Variants in SAMD5 observed in about 807,000 individuals in gnomAD.
The protein encoded by SAMD5 is sterile alpha motif domain containing 5.
Under a neutral mutation model 11.3 loss-of-function variants are expected in SAMD5, and 13 were observed. That is an observed-to-expected ratio of 1.15 (90% CI 0.75 to 1.83). SAMD5 has a LOEUF of 1.83. Among genes scored for constraint, SAMD5 ranks in the 40% most tolerant of loss-of-function variants. The pLI is 0.00. For missense variants in SAMD5, 255 were observed against 239.1 expected, an observed-to-expected ratio of 1.07 and a Z score of -0.44; for synonymous variants, 129 against 111.3, an observed-to-expected ratio of 1.16 and a Z score of -1.00.
chr6:147,630,531 C>A (rs749773991), intron 1 of SAMD5, among the ~76,000 whole-genome samples: 1 of 152,028 alleles, frequency 6.6e-6, no homozygotes, highest in Non-Finnish European at 1.5e-5. Flanking sequence ...CAAAAGCTCC[C>A]CCACTGAGTA....
chr6:147,648,338 G>T (rs1184855192), intron 1 of SAMD5, among the ~76,000 whole-genome samples: 2 of 152,166 alleles, frequency 1.3e-5, no homozygotes, highest in African/African-American at 4.8e-5. Flanking sequence ...GATCTCGTGA[G>T]AACTCACTCA....
At chr6:147,582,524 C>G (rs1283749900) in intron 1 of SAMD5, among the ~76,000 whole-genome samples, 1 of 152,080 alleles carries the variant, frequency 6.6e-6, no homozygotes, top group Admixed American at 6.5e-5. Context: ...AAAAAGCATC[C>G]CAGTCCAAGT....
Position 147,643,289 on chromosome 6 carries a change from A to G in SAMD5, c.163-94028A>G, listed in dbSNP as rs569501613. On this transcript the variant is annotated intron_variant, in intron 1 of 1. Coordinates refer to the SAMD5 transcript ENST00000566741. ...GGGCTTCAGTGTTCCATTAATTTTT[A>G]AAGGAATTAAATATTTGCTTAGATG... Among the ~76,000 whole-genome samples the G allele has an allele frequency of 2.0e-4, 30 of 152,232 alleles. No homozygotes were observed. In the South Asian group the frequency reaches 5.8e-3, roughly 29 times the overall value.
At chr6:147,948,004 C>T in the SAMD5 span, among the ~76,000 whole-genome samples, 6,384 of 152,006 alleles carry the variant, frequency 0.042, 166 homozygotes, top group Middle Eastern at 0.054. Context: ...TCCTGTGTCA[C>T]GGTGGTTTCA....
At chr6:147,550,809 A>G (rs953760104) in intron 1 of SAMD5, among the ~76,000 whole-genome samples, 3 of 152,162 alleles carry the variant, frequency 2.0e-5, no homozygotes, top group Admixed American at 2.0e-4. Context: ...AACAATGTAC[A>G]TTATTGGGGT....
the SAMD5 span, among the ~76,000 whole-genome samples, chr6:147,896,459 C>G: frequency 6.6e-6 from 1 of 152,080 alleles, no homozygotes; most frequent in East Asian, 1.9e-4. Context: ...AGGCTGATCT[C>G]AGAGCTCTGG....
At chr6:147,909,604 CT>C in the SAMD5 span, among the ~76,000 whole-genome samples, 4,589 of 76,378 alleles carry the variant, frequency 0.06, 841 homozygotes, top group African/African-American at 0.23. Context: ...TTCTTTCTTT[CT>C]TTCTTTCTTT....
chr6:147,951,404 T>C, the SAMD5 span, among the ~76,000 whole-genome samples: 2 of 152,072 alleles, frequency 1.3e-5, no homozygotes, highest in African/African-American at 2.4e-5. Flanking sequence ...ATGGTTTCGA[T>C]ATCCTGGCCT....
the SAMD5 span, among the ~76,000 whole-genome samples, chr6:147,898,719 G>A: frequency 3.3e-5 from 5 of 151,968 alleles, no homozygotes; most frequent in Non-Finnish European, 5.9e-5. Flanking sequence ...TCACATTATA[G>A]CATATAATCA....
chr6:147,744,032 G>T, the SAMD5 span, among the ~76,000 whole-genome samples: 1 of 152,202 alleles, frequency 6.6e-6, no homozygotes, highest in East Asian at 1.9e-4. Context: ...TTAATACCCT[G>T]CTCAGAGTCA....
the SAMD5 span, among the ~76,000 whole-genome samples, chr6:147,828,546 A>G: frequency 2.6e-5 from 4 of 152,172 alleles, no homozygotes; most frequent in Non-Finnish European, 4.4e-5. Flanking sequence ...ACGTGGAGAC[A>G]CTAGACTGGT....
chr6:147,590,060 A>G (rs1434742671), intron 1 of SAMD5, among the ~76,000 whole-genome samples: 1 of 152,234 alleles, frequency 6.6e-6, no homozygotes, highest in Non-Finnish European at 1.5e-5. Flanking sequence ...AAATGCCAGC[A>G]CATTTCAAAT....
At chr6:147,616,041 A>C (rs1481830149) in intron 1 of SAMD5, among the ~76,000 whole-genome samples, 1 of 144,568 alleles carries the variant, frequency 6.9e-6, no homozygotes, top group African/African-American at 2.5e-5. Flanking sequence ...CTTTGCCTTA[A>C]CCTTTCTGAG....
At chr6:147,644,979 A>T (rs1219076822) in intron 1 of SAMD5, among the ~76,000 whole-genome samples, 1 of 152,172 alleles carries the variant, frequency 6.6e-6, no homozygotes, top group Non-Finnish European at 1.5e-5. Flanking sequence ...GCATAGAATC[A>T]GAGGTCAGGA....
chr6:147,630,376 G>A (rs1790130233), intron 1 of SAMD5, among the ~76,000 whole-genome samples: 1 of 152,316 alleles, frequency 6.6e-6, no homozygotes, highest in East Asian at 1.9e-4. Context: ...TGTGGTGTTT[G>A]TCAGGCCTCT....
chr6:147,697,946 GAC>G (rs1169817957), intron 1 of SAMD5, among the ~76,000 whole-genome samples: 1 of 152,194 alleles, frequency 6.6e-6, no homozygotes, highest in Non-Finnish European at 1.5e-5. Flanking sequence ...TTTCATGGAA[GAC>G]AGTTTTTCCA....
the SAMD5 span, among the ~76,000 whole-genome samples, chr6:147,795,764 G>T: frequency 6.9e-3 from 1,027 of 148,956 alleles, 8 homozygotes; most frequent in African/African-American, 0.024. Context: ...CATTCTAACT[G>T]GTGTGAGATG....
the SAMD5 span, among the ~76,000 whole-genome samples, chr6:147,943,864 A>T: frequency 6.4e-3 from 970 of 152,204 alleles, 6 homozygotes; most frequent in Non-Finnish European, 0.011. Context: ...CTGCATGTGT[A>T]AAAACTGAAC....
chr6:147,593,470 G>A (rs890655178), intron 1 of SAMD5, among the ~76,000 whole-genome samples: 1 of 152,150 alleles, frequency 6.6e-6, no homozygotes, highest in Non-Finnish European at 1.5e-5. Context: ...GCTTATAGAA[G>A]TGCCATAAAA....
Sources: allele counts gnomAD v4.1 joint callset (sites outside exome capture counted in the v4.1 genomes callset), GRCh38; gene constraint gnomAD v4.1.1; transcripts MANE v1.5; gene names NCBI Gene and HGNC (gene_info 2026-07-23, HGNC 2026-07-21).